The following ATP8B4 variants were observed in gnomAD, a reference collection of about 807,000 sequenced individuals.
ATP8B4 encodes the protein probable phospholipid-transporting ATPase IM.
Under a neutral mutation model 145.6 loss-of-function variants are expected in ATP8B4, and 133 were observed. That is an observed-to-expected ratio of 0.91 (90% CI 0.79 to 1.05). The LOEUF (loss-of-function observed/expected upper bound fraction) is 1.05, where lower values mean the gene tolerates loss of function less well. Ranked by LOEUF, ATP8B4 falls within the 50% of genes least tolerant of loss-of-function variation. The pLI, the probability that ATP8B4 is intolerant of heterozygous loss-of-function variation, is 0.00. For synonymous variants in ATP8B4, 507 were observed against 492.9 expected (o/e 1.03, Z -0.38); for missense variants, 1,458 against 1,425.2 (o/e 1.02, Z -0.37).
Position 49,917,057 on chromosome 15 carries a change from C to A in ATP8B4, c.2036-18G>T. 6.2e-7 allele frequency: 1 copy of A among 1,608,388 alleles called. No homozygotes were observed. Among genetic ancestry groups the A allele is most frequent in the Non-Finnish European group, 8.5e-7 (1 of 1,175,078 alleles). ...GGCAGTTTCTAACACAAAATAAAGC[C>A]CAATTCAGTTAAAATGTTACTTAAT... On this transcript the variant is annotated intron_variant, in intron 19 of 27. Coordinates refer to ENST00000284509, the MANE Select transcript of ATP8B4 (RefSeq NM_024837.4).
chr15:49,908,025 A>G (rs767354826), intron 20 of ATP8B4: 1 of 455,922 alleles, frequency 2.2e-6, no homozygotes, highest in Non-Finnish European at 4.4e-6. Flanking sequence ...ACCACGGACT[A>G]CTTTGGGCAA....
chr15:49,950,704 T>C (rs1355002433), intron 14 of ATP8B4, among the ~76,000 whole-genome samples: 1 of 152,100 alleles, frequency 6.6e-6, no homozygotes, highest in Non-Finnish European at 1.5e-5. Context: ...GCTCCTTCAA[T>C]TCTTCCATGC....
At chr15:50,053,814 G>T (rs1429794474) in intron 3 of ATP8B4, among the ~76,000 whole-genome samples, 3 of 152,030 alleles carry the variant, frequency 2.0e-5, no homozygotes, top group Admixed American at 6.5e-5. Flanking sequence ...TAATAAAATG[G>T]GAAGTATTAT....
At chr15:49,888,159 A>G (rs1411728802) in intron 23 of ATP8B4, among the ~76,000 whole-genome samples, 1 of 152,236 alleles carries the variant, frequency 6.6e-6, no homozygotes, top group Non-Finnish European at 1.5e-5. Context: ...CGCTCGCAGC[A>G]TCCAGGAGGA....
intron 1 of ATP8B4, among the ~76,000 whole-genome samples, chr15:50,129,777 G>A (rs1263084004): frequency 3.3e-5 from 5 of 151,830 alleles, no homozygotes; most frequent in East Asian, 3.9e-4. Flanking sequence ...GTGAAACCCC[G>A]TCGCTACTAA....
At chr15:49,968,605 A>G (rs1223435556) in intron 13 of ATP8B4, among the ~76,000 whole-genome samples, 1 of 152,116 alleles carries the variant, frequency 6.6e-6, no homozygotes, top group African/African-American at 2.4e-5. Context: ...CCAATACAGG[A>G]GCACCCAGAT....
At chr15:50,170,495 A>ACCCCCCC (rs35629394) in intron 1 of ATP8B4, among the ~76,000 whole-genome samples, 2 of 142,292 alleles carry the variant, frequency 1.4e-5, no homozygotes, top group African/African-American at 5.3e-5. Context: ...CCATTACCAA[A>ACCCCCCC]CCCCCCCCAC....
chr15:50,149,918 T>C (rs1255350979), intron 1 of ATP8B4, among the ~76,000 whole-genome samples: 1 of 152,074 alleles, frequency 6.6e-6, no homozygotes, highest in African/African-American at 2.4e-5. Flanking sequence ...CTGGCCAACA[T>C]GGCAAAACGC....
chr15:49,997,680 T>C (rs2047540770), intron 8 of ATP8B4, among the ~76,000 whole-genome samples: 1 of 152,086 alleles, frequency 6.6e-6, no homozygotes, highest in Non-Finnish European at 1.5e-5. Flanking sequence ...AAATAACTCA[T>C]TTTAGACAGC....
intron 1 of ATP8B4, among the ~76,000 whole-genome samples, chr15:50,179,822 G>A (rs1595674337): frequency 6.6e-6 from 1 of 152,158 alleles, no homozygotes; most frequent in African/African-American, 2.4e-5. Flanking sequence ...CCAGAAGTCT[G>A]AGAAATAAAT....
At chr15:50,085,913 ATATATGATATATATCATATATATT>A (rs2054919571) in intron 2 of ATP8B4, among the ~76,000 whole-genome samples, 1 of 111,654 alleles carries the variant, frequency 9.0e-6, no homozygotes, top group Non-Finnish European at 1.7e-5. Flanking sequence ...ATATATATTT[ATATATGATATATATCATATATATT>A]TATATATGAT....
chr15:50,141,664 T>C (rs2044212552), intron 1 of ATP8B4, among the ~76,000 whole-genome samples: 1 of 152,186 alleles, frequency 6.6e-6, no homozygotes, highest in Admixed American at 6.5e-5. Flanking sequence ...GCACTGTGCA[T>C]ATGTGGCTAT....
intron 6 of ATP8B4, among the ~76,000 whole-genome samples, chr15:50,029,238 TAAAAAAAAA>T (rs58363112): frequency 1.3e-5 from 1 of 76,634 alleles, no homozygotes; most frequent in African/African-American, 6.1e-5. Flanking sequence ...GACTCCATCT[TAAAAAAAAA>T]AAAAAAAAAA....
At chr15:49,990,619 C>T (rs1033108258) in intron 9 of ATP8B4, among the ~76,000 whole-genome samples, 1 of 152,042 alleles carries the variant, frequency 6.6e-6, no homozygotes, top group Non-Finnish European at 1.5e-5. Context: ...TCAGCTGGAT[C>T]GTTGGTTAAT....
intron 1 of ATP8B4, among the ~76,000 whole-genome samples, chr15:50,156,744 G>T (rs1020360243): frequency 1.2e-4 from 19 of 152,142 alleles, no homozygotes; most frequent in Admixed American, 5.9e-4. Context: ...TAATAATATA[G>T]CTGGCCAGTG....
chr15:49,917,701 T>C (rs2039881394), intron 19 of ATP8B4, among the ~76,000 whole-genome samples: 1 of 152,210 alleles, frequency 6.6e-6, no homozygotes, highest in Non-Finnish European at 1.5e-5. Flanking sequence ...GATAACTCCT[T>C]CTATCTAATA....
chr15:49,886,190 A>G (rs1005136224), intron 23 of ATP8B4, among the ~76,000 whole-genome samples: 3 of 152,062 alleles, frequency 2.0e-5, no homozygotes, highest in African/African-American at 7.2e-5. Context: ...AACCTGCTCA[A>G]TAAAAGGAAG....
chr15:50,158,440 G>T (rs1490818870), intron 1 of ATP8B4, among the ~76,000 whole-genome samples: 3 of 151,240 alleles, frequency 2.0e-5, no homozygotes, highest in Non-Finnish European at 4.4e-5. Flanking sequence ...GGGAGGTGGG[G>T]GGTCAGACCC....
At chr15:49,861,656 TC>T (rs895646824) in intron 27 of ATP8B4, among the ~76,000 whole-genome samples, 1 of 152,166 alleles carries the variant, frequency 6.6e-6, no homozygotes, top group African/African-American at 2.4e-5. Flanking sequence ...TTACTCCTCT[TC>T]CCATGAAATT....
Sources: gnomAD v4.1 joint callset for allele counts (sites outside exome capture counted in the v4.1 genomes callset) on GRCh38, gnomAD v4.1.1 for gene constraint, MANE v1.5 for transcripts, NCBI Gene and HGNC (gene_info 2026-07-23, HGNC 2026-07-21) for gene names.